OLFM3: variants seen among roughly 807,000 people sequenced by gnomAD.
The protein encoded by OLFM3 is noelin-3.
Under a neutral mutation model 48.6 loss-of-function variants are expected in OLFM3, and 20 were observed. The observed-to-expected ratio is 0.41, with a 90% CI of 0.29 to 0.60. OLFM3 has a LOEUF of 0.60. Ranked by LOEUF, OLFM3 falls within the 20% of genes least tolerant of loss-of-function variation. The pLI is 0.28. For missense variants in OLFM3, 437 were observed against 544.3 expected, an observed-to-expected ratio of 0.80 and a Z score of 1.96; for synonymous variants, 222 against 198.1, an observed-to-expected ratio of 1.12 and a Z score of -1.01.
intron 1 of OLFM3, among the ~76,000 whole-genome samples, chr1:101,950,476 T>C (rs1164250844): frequency 6.6e-6 from 1 of 151,056 alleles, no homozygotes; most frequent in Non-Finnish European, 1.5e-5. Flanking sequence ...TCTCGCTCTG[T>C]CGCCCAGGCT....
chr1:101,812,800 G>A, intron 4 of OLFM3: 1 of 990,006 alleles, frequency 1.0e-6, no homozygotes, highest in Non-Finnish European at 1.2e-6. Context: ...GTGGTCTTTT[G>A]GCTAGTTGAC....
At chr1:101,881,199 T>C (rs1165372357) in intron 1 of OLFM3, among the ~76,000 whole-genome samples, 1 of 151,920 alleles carries the variant, frequency 6.6e-6, no homozygotes, top group Non-Finnish European at 1.5e-5. Flanking sequence ...TTTTTATCTG[T>C]GTAGAATGGG....
chr1:101,832,531 T>A (rs1570536927), intron 2 of OLFM3, among the ~76,000 whole-genome samples: 1 of 152,244 alleles, frequency 6.6e-6, no homozygotes, highest in East Asian at 1.9e-4. Flanking sequence ...GTCTGGCTTA[T>A]CTTAAAACTA....
chr1:101,927,860 A>G (rs983826812), intron 1 of OLFM3, among the ~76,000 whole-genome samples: 6 of 151,648 alleles, frequency 4.0e-5, no homozygotes, highest in African/African-American at 1.5e-4. Flanking sequence ...CAGAGAATAT[A>G]TGGTACAGGA....
intron 1 of OLFM3, among the ~76,000 whole-genome samples, chr1:101,960,855 C>T (rs1660446965): frequency 6.6e-6 from 1 of 152,120 alleles, no homozygotes; most frequent in Admixed American, 6.6e-5. Flanking sequence ...TGCTTCAATT[C>T]TTACAGAGAT....
At chr1:101,940,958 T>C (rs1659775809) in intron 1 of OLFM3, among the ~76,000 whole-genome samples, 1 of 152,122 alleles carries the variant, frequency 6.6e-6, no homozygotes, top group Admixed American at 6.5e-5. Context: ...GAATCTGTAC[T>C]GGTGGATACA....
rs75035960 is a variant in OLFM3 at position 101,849,329 on chromosome 1, T to C, written c.70-12304A>G. On this transcript the variant is annotated intron_variant, in intron 1 of 5. Transcript: ENST00000370103. ...GTAAGTGGGAGAAAGGATTAGTCTA[T>C]TGAGAAGTAGCGGACTGTGTTTAGG... Among the ~76,000 whole-genome samples the C allele has an allele frequency of 2.0e-5, 3 of 152,230 alleles. No homozygotes were observed. The East Asian group carries it at 5.8e-4, about 29-fold the overall frequency.
intron 1 of OLFM3, among the ~76,000 whole-genome samples, chr1:101,904,490 G>A (rs925361486): frequency 1.3e-5 from 2 of 152,072 alleles, no homozygotes; most frequent in African/African-American, 4.8e-5. Context: ...ATGAGAATGA[G>A]TTTGTCAATA....
chr1:101,958,357 T>A (rs748365155), intron 1 of OLFM3, among the ~76,000 whole-genome samples: 1 of 152,066 alleles, frequency 6.6e-6, no homozygotes, highest in Non-Finnish European at 1.5e-5. Flanking sequence ...TTTTCTACAC[T>A]GTGAGGCAGT....
chr1:101,938,669 G>A (rs1473504962), intron 1 of OLFM3, among the ~76,000 whole-genome samples: 2 of 152,198 alleles, frequency 1.3e-5, no homozygotes, highest in African/African-American at 4.8e-5. Flanking sequence ...GGTTCCTGCT[G>A]AGCTTTCCCA....
At chr1:101,828,283 A>T (rs997767285) in intron 3 of OLFM3, among the ~76,000 whole-genome samples, 9 of 152,208 alleles carry the variant, frequency 5.9e-5, no homozygotes, top group African/African-American at 2.2e-4. Context: ...TAAAATGGAA[A>T]TGAAAATAGT....
chr1:101,994,947 C>G (rs1661518260), intron 1 of OLFM3, among the ~76,000 whole-genome samples: 1 of 151,836 alleles, frequency 6.6e-6, no homozygotes, highest in South Asian at 2.1e-4. Context: ...ATAAACTCAC[C>G]AAAACTAGAA....
At chr1:101,824,032 G>A (rs1317714819) in intron 4 of OLFM3, among the ~76,000 whole-genome samples, 1 of 152,020 alleles carries the variant, frequency 6.6e-6, no homozygotes, top group Non-Finnish European at 1.5e-5. Flanking sequence ...CAATGTTCTT[G>A]TAAGCCACTC....
intron 1 of OLFM3, among the ~76,000 whole-genome samples, chr1:101,898,558 T>A (rs188942396): frequency 6.6e-6 from 1 of 152,172 alleles, no homozygotes; most frequent in East Asian, 1.9e-4. Context: ...AAATAAAAAA[T>A]AGAATTGAGG....
chr1:101,889,280 A>G (rs933166274), intron 1 of OLFM3, among the ~76,000 whole-genome samples: 3 of 152,202 alleles, frequency 2.0e-5, no homozygotes, highest in African/African-American at 7.2e-5. Flanking sequence ...AGACTGGATT[A>G]AGAAAATGTG....
At chr1:101,805,182 C>T (rs1170032583) in intron 5 of OLFM3, among the ~76,000 whole-genome samples, 1 of 151,624 alleles carries the variant, frequency 6.6e-6, no homozygotes, top group Non-Finnish European at 1.5e-5. Context: ...AAATTCCTGA[C>T]CATTTGGTGC....
At chr1:101,820,760 A>T (rs1419488972) in intron 4 of OLFM3, among the ~76,000 whole-genome samples, 2 of 152,080 alleles carry the variant, frequency 1.3e-5, no homozygotes, top group Admixed American at 6.6e-5. Context: ...TAGCATCTTA[A>T]AATTCATGTG....
intron 1 of OLFM3, among the ~76,000 whole-genome samples, chr1:101,899,231 C>T (rs945742694): frequency 1.8e-4 from 28 of 152,092 alleles, no homozygotes; most frequent in Admixed American, 1.6e-3. Context: ...CAGTTCTCCA[C>T]TGATTGTTGG....
chr1:101,984,645 C>A (rs562841091), intron 1 of OLFM3, among the ~76,000 whole-genome samples: 1 of 152,170 alleles, frequency 6.6e-6, no homozygotes, highest in Non-Finnish European at 1.5e-5. Context: ...GGTGATCCAC[C>A]CACCTAGGCC....
Sources: gnomAD v4.1 joint callset for allele counts (sites outside exome capture counted in the v4.1 genomes callset) on GRCh38, gnomAD v4.1.1 for gene constraint, MANE v1.5 for transcripts, NCBI Gene and HGNC (gene_info 2026-07-23, HGNC 2026-07-21) for gene names.